The following ADAMTS3 variants were observed in gnomAD, a reference collection of about 807,000 sequenced individuals.
ADAMTS3 encodes A disintegrin and metalloproteinase with thrombospondin motifs 3.
Under a neutral mutation model 129.0 loss-of-function variants are expected in ADAMTS3, and 73 were observed. The ratio of observed to expected loss-of-function variants is 0.57; its 90% CI spans 0.47 to 0.69. The LOEUF (loss-of-function observed/expected upper bound fraction) is 0.69. ADAMTS3 is among the 30% of genes least tolerant of loss of function. The pLI, the probability that ADAMTS3 is intolerant of heterozygous loss-of-function variation, is 0.00. For synonymous variants in ADAMTS3, 477 were observed against 510.8 expected (o/e 0.93, Z 0.89); for missense variants, 1,457 against 1,514.5 (o/e 0.96, Z 0.63).
At chr4:72,488,836 T>C (rs1719658000) in intron 3 of ADAMTS3, among the ~76,000 whole-genome samples, 1 of 151,852 alleles carries the variant, frequency 6.6e-6, no homozygotes, top group African/African-American at 2.4e-5. Flanking sequence ...TTCAAGCATA[T>C]AATAAAATAC....
intron 3 of ADAMTS3, among the ~76,000 whole-genome samples, chr4:72,512,887 A>C (rs566675999): frequency 8.4e-4 from 128 of 152,214 alleles, no homozygotes; most frequent in Admixed American, 1.8e-3. Context: ...CTGCTCTCCA[A>C]AAAGTGGGTA....
intron 3 of ADAMTS3, among the ~76,000 whole-genome samples, chr4:72,446,178 C>T (rs912622890): frequency 6.6e-6 from 1 of 151,662 alleles, no homozygotes; most frequent in Non-Finnish European, 1.5e-5. Context: ...CTAACTGTAG[C>T]AGTTCTATAG....
chr4:72,549,623 T>A (rs770834574), intron 2 of ADAMTS3, among the ~76,000 whole-genome samples: 7 of 152,010 alleles, frequency 4.6e-5, no homozygotes, highest in Non-Finnish European at 1.0e-4. Flanking sequence ...GACATAATAA[T>A]CTTTAAATCA....
intron 3 of ADAMTS3, among the ~76,000 whole-genome samples, chr4:72,529,977 AAATATAATATATTATATTT>A (rs1720938404): frequency 0.013 from 7 of 520 alleles, 3 homozygotes; most frequent in Non-Finnish European, 0.042. Context: ...ATTTATATAT[AAATATAATATATTATATTT>A]ATATATAATA....
At chr4:72,511,246 G>A (rs1440800636) in intron 3 of ADAMTS3, among the ~76,000 whole-genome samples, 1 of 152,084 alleles carries the variant, frequency 6.6e-6, no homozygotes, top group African/African-American at 2.4e-5. Flanking sequence ...TATCCCACAA[G>A]CACAAGCAAC....
intron 3 of ADAMTS3, among the ~76,000 whole-genome samples, chr4:72,515,593 T>C (rs1190064972): frequency 6.7e-6 from 1 of 150,310 alleles, no homozygotes; most frequent in African/African-American, 2.4e-5. Context: ...CCAGTGATGA[T>C]GAGCATTTTT....
At chr4:72,370,928 G>T (rs550983156) in intron 4 of ADAMTS3, among the ~76,000 whole-genome samples, 1 of 152,116 alleles carries the variant, frequency 6.6e-6, no homozygotes, top group Admixed American at 6.6e-5. Flanking sequence ...ACTGATGTAC[G>T]CAAGATCAAG....
intron 3 of ADAMTS3, among the ~76,000 whole-genome samples, chr4:72,510,819 C>CAAAAAAAAAAA (rs869030257): frequency 1.6e-5 from 1 of 63,646 alleles, no homozygotes; most frequent in African/African-American, 5.9e-5. Context: ...ATCCTTAAGC[C>CAAAAAAAAAAA]AAAAAAAAAA....
At chr4:72,544,256 C>A (rs1721410125) in intron 3 of ADAMTS3, among the ~76,000 whole-genome samples, 1 of 152,012 alleles carries the variant, frequency 6.6e-6, no homozygotes, top group African/African-American at 2.4e-5. Flanking sequence ...AATAAAAAGC[C>A]AAATTGATTT....
At chr4:72,517,227 AT>A (rs1720513361) in intron 3 of ADAMTS3, among the ~76,000 whole-genome samples, 1 of 152,074 alleles carries the variant, frequency 6.6e-6, no homozygotes, top group African/African-American at 2.4e-5. Flanking sequence ...GTGCTGCTGG[AT>A]TCGGTTTGCC....
At chr4:72,524,245 C>T (rs937890774) in intron 3 of ADAMTS3, among the ~76,000 whole-genome samples, 1 of 152,004 alleles carries the variant, frequency 6.6e-6, no homozygotes, top group Non-Finnish European at 1.5e-5. Context: ...GGGAGGAAGA[C>T]AGGTAGGAGA....
chr4:72,477,444 G>T (rs1310584598), intron 3 of ADAMTS3, among the ~76,000 whole-genome samples: 1 of 152,074 alleles, frequency 6.6e-6, no homozygotes, highest in African/African-American at 2.4e-5. Context: ...AATGACTACT[G>T]GGTACGTAAC....
At position 72,360,117 on chromosome 4, in the gene ADAMTS3, A is replaced by G. The variant is rs149689883; in HGVS notation, c.662-20424T>C. ...TTTTTTCACTAGGATAAGGCCATAT[A>G]GTTGTGTAATCACTCAGACTGCTTT... On this transcript the variant is annotated intron_variant, in intron 4 of 21. Coordinates refer to ENST00000286657, the MANE Select transcript of ADAMTS3 (RefSeq NM_014243.3). Among the ~76,000 whole-genome samples, 810 of 152,216 alleles carry G rather than the reference A, an allele frequency of 5.3e-3. 12 individuals are homozygous for G. The highest frequency in any genetic ancestry group is 0.018 in the African/African-American group (768 of 41,550).
chr4:72,319,281 G>A, intron 9 of ADAMTS3, 51 bp downstream of exon 9: 2 of 1,603,866 alleles, frequency 1.2e-6, no homozygotes, highest in Non-Finnish European at 1.7e-6. Flanking sequence ...TCAGTTTCAT[G>A]TCTGTAGGCT....
chr4:72,335,925 T>C (rs2109827566), intron 5 of ADAMTS3, among the ~76,000 whole-genome samples: 1 of 152,272 alleles, frequency 6.6e-6, no homozygotes, highest in East Asian at 1.9e-4. Flanking sequence ...AAATATACAT[T>C]TAACACTTAA....
In ADAMTS3 at chr4:72,499,586, C is replaced by T. The variant is rs1015284613; in HGVS notation, c.504+48892G>A. Among the ~76,000 whole-genome samples, 19 of 152,242 alleles carry T rather than the reference C, an allele frequency of 1.2e-4. No individual in the cohort carries two copies. The East Asian group carries it at 2.5e-3, about 20-fold the overall frequency. On this transcript the variant is annotated intron_variant, in intron 3 of 21. Transcript: ENST00000286657. Reference sequence around the variant, plus strand: ...GTTGCACTCTACAACAATGTATCTTCGGGGGCTCAGGCATTTCTTTAAATT... The same window carrying T: ...GTTGCACTCTACAACAATGTATCTTTGGGGGCTCAGGCATTTCTTTAAATT...
In ADAMTS3 at chr4:72,480,758, G is replaced by GA. The variant is rs569494669; in HGVS notation, c.505-65788dup. 4.4e-3 allele frequency among the ~76,000 whole-genome samples: 600 copies of GA among 137,500 alleles called. 1 individual carries two copies. Among genetic ancestry groups the GA allele is most frequent in the African/African-American group, 9.4e-3 (356 of 37,832 alleles). The allele number at this position is 137,500 out of a possible 152,430, so 90.2% of individuals were successfully genotyped here. ...GAGGAAATAAAAGGCATGTATACTG[G>GA]AAAAAAAAAAAACTACCCCTATTTC... On this transcript the variant is annotated intron_variant, in intron 3 of 21. Coordinates refer to ENST00000286657, the MANE Select transcript of ADAMTS3 (RefSeq NM_014243.3).
intron 3 of ADAMTS3, among the ~76,000 whole-genome samples, chr4:72,500,787 T>C (rs1057229142): frequency 2.0e-5 from 3 of 152,136 alleles, no homozygotes; most frequent in African/African-American, 7.2e-5. Flanking sequence ...GAGTTAATTT[T>C]TATATAAAGT....
At chr4:72,397,849 C>T (rs558216351) in intron 4 of ADAMTS3, among the ~76,000 whole-genome samples, 72 of 152,110 alleles carry the variant, frequency 4.7e-4, no homozygotes, top group African/African-American at 1.7e-3. Flanking sequence ...ATCACAAAAC[C>T]TATACTAGAG....
Sources: gnomAD v4.1 joint callset for allele counts (sites outside exome capture counted in the v4.1 genomes callset) on GRCh38, gnomAD v4.1.1 for gene constraint, MANE v1.5 for transcripts, NCBI Gene and HGNC (gene_info 2026-07-23, HGNC 2026-07-21) for gene names.